SSUH2: variants seen among roughly 807,000 people sequenced by gnomAD.
SSUH2 encodes protein SSUH2 homolog.
A neutral mutation model predicts 55.3 loss-of-function variants in SSUH2; 47 were observed. The ratio of observed to expected loss-of-function variants is 0.85; its 90% CI spans 0.67 to 1.08. The LOEUF (loss-of-function observed/expected upper bound fraction) is 1.08, where lower values mean the gene tolerates loss of function less well. Ranked by LOEUF, SSUH2 falls within the 50% of genes least tolerant of loss-of-function variation. SSUH2 has a pLI of 0.00. For missense variants in SSUH2, 535 were observed against 490.7 expected (o/e 1.09, Z -0.85); for synonymous variants, 212 against 191.5 (o/e 1.11, Z -0.89).
At chr3:8,680,275 C>A (rs1293084515) in intron 1 of SSUH2, among the ~76,000 whole-genome samples, 1 of 151,998 alleles carries the variant, frequency 6.6e-6, no homozygotes, top group Non-Finnish European at 1.5e-5. Context: ...AAAACCTGAA[C>A]ATAAAGGCCC....
chr3:8,657,523 C>T (rs749202954), intron 7 of SSUH2, among the ~76,000 whole-genome samples: 7 of 152,046 alleles, frequency 4.6e-5, no homozygotes, highest in South Asian at 4.2e-4. Context: ...ACAGTGGGTA[C>T]GACAGGAGGT....
chr3:8,658,515 C>G (rs1057098591), intron 7 of SSUH2, among the ~76,000 whole-genome samples: 1 of 152,170 alleles, frequency 6.6e-6, no homozygotes, highest in Non-Finnish European at 1.5e-5. Context: ...GGGGCAGGTG[C>G]GTAAACTCTG....
intron 3 of SSUH2, chr3:8,634,251 G>A: frequency 1.6e-6 from 1 of 644,952 alleles, no homozygotes; most frequent in Non-Finnish European, 2.4e-6. Context: ...GCCAGGCACT[G>A]GCCCAGGGCT....
At chr3:8,676,468 T>C (rs1009681306) in intron 3 of SSUH2, among the ~76,000 whole-genome samples, 2 of 150,830 alleles carry the variant, frequency 1.3e-5, no homozygotes, top group African/African-American at 2.4e-5. Flanking sequence ...CTTTCTGCCA[T>C]ACATGTAGTC....
Position 8,679,413 on chromosome 3 carries a change from T to TC in SSUH2, c.-901+291dup, listed in dbSNP as rs549247180. Reference sequence around the variant, plus strand: ...GAGGGGACTGAGAGCCAGCCCCTCTTCCCCCCCTGGCTCTTAGGACCCCCA... The same window carrying TC: ...GAGGGGACTGAGAGCCAGCCCCTCTTCCCCCCCCTGGCTCTTAGGACCCCCA... On this transcript the variant is annotated intron_variant, in intron 2 of 18. Coordinates refer to the SSUH2 transcript ENST00000317371. Among the ~76,000 whole-genome samples the TC allele has an allele frequency of 3.1e-3, 380 of 121,278 alleles. 11 individuals are homozygous for TC. In the East Asian group the frequency reaches 0.064, roughly 20 times the overall value. 79.6% of individuals were successfully genotyped at this position (121,278 alleles called of 152,430 possible). A position where few individuals can be genotyped will look rare whatever the true frequency, so the allele number is the denominator to read the frequency against.
intron 3 of SSUH2, among the ~76,000 whole-genome samples, chr3:8,674,576 G>A (rs1380825473): frequency 1.3e-5 from 2 of 152,150 alleles, no homozygotes; most frequent in East Asian, 3.9e-4. Flanking sequence ...GAGCCATGGG[G>A]GTTTCAGCAA....
intron 2 of SSUH2, among the ~76,000 whole-genome samples, chr3:8,677,599 G>A (rs1575407780): frequency 6.6e-6 from 1 of 150,916 alleles, no homozygotes; most frequent in South Asian, 2.1e-4. Flanking sequence ...GCATCAGAGA[G>A]AGAAAAGATG....
At chr3:8,676,397 G>C (rs1208297598) in intron 3 of SSUH2, among the ~76,000 whole-genome samples, 2 of 151,378 alleles carry the variant, frequency 1.3e-5, no homozygotes, top group Non-Finnish European at 2.9e-5. Context: ...CTGTCATATT[G>C]AAAGTAATAT....
At chr3:8,635,446 A>C (rs1186562268) in intron 2 of SSUH2, 65 bp from the exon 3 acceptor site, 8 of 1,179,038 alleles carry the variant, frequency 6.8e-6, no homozygotes, top group Non-Finnish European at 9.6e-6. Context: ...TGTGTGGTGG[A>C]AGAAGGAAAG....
chr3:8,647,193 A>G (rs1701786789), upstream of SSUH2, among the ~76,000 whole-genome samples: 1 of 152,224 alleles, frequency 6.6e-6, no homozygotes, highest in Non-Finnish European at 1.5e-5. Flanking sequence ...AGCAAGGTTC[A>G]ATAACTGTCT....
At chr3:8,631,934 T>C in intron 5 of SSUH2, 115 bp downstream of exon 5, 1 of 805,048 alleles carries the variant, frequency 1.2e-6, no homozygotes, top group Non-Finnish European at 2.1e-6. Flanking sequence ...AAGCCAAGGC[T>C]CCAAGCAGAA....
chr3:8,664,182 T>C (rs1456290138), intron 5 of SSUH2, among the ~76,000 whole-genome samples: 5 of 152,198 alleles, frequency 3.3e-5, no homozygotes, highest in African/African-American at 1.2e-4. Flanking sequence ...GTGGATTGTT[T>C]CGAAGCTCCT....
chr3:8,647,470 G>A (rs1701837151), upstream of SSUH2, among the ~76,000 whole-genome samples: 1 of 152,208 alleles, frequency 6.6e-6, no homozygotes, highest in South Asian at 2.1e-4. Flanking sequence ...AGGGTAGACT[G>A]AGTTCAAAGT....
chr3:8,626,460 C>A, intron 8 of SSUH2, 139 bp from the exon 9 acceptor site: 1 of 639,480 alleles, frequency 1.6e-6, no homozygotes, highest in Non-Finnish European at 2.8e-6. Context: ...CCACCTAGTC[C>A]TCCTTCTGCT....
At chr3:8,671,009 C>T in exon 5 of SSUH2, 2 of 424,890 alleles carry the variant, frequency 4.7e-6, no homozygotes, top group Non-Finnish European at 9.7e-6. Context: ...TGCATTGGGA[C>T]ATCAGTAGTA....
At chr3:8,653,106 G>A (rs549779288) in intron 7 of SSUH2, among the ~76,000 whole-genome samples, 18 of 152,250 alleles carry the variant, frequency 1.2e-4, no homozygotes, top group Non-Finnish European at 2.1e-4. Context: ...CACCTTTTTG[G>A]ATCTAAATTG....
intron 5 of SSUH2, among the ~76,000 whole-genome samples, chr3:8,665,325 A>C (rs1370216661): frequency 6.6e-6 from 1 of 152,116 alleles, no homozygotes; most frequent in African/African-American, 2.4e-5. Context: ...AGAGAGGGAG[A>C]ATGTCCAGCT....
At chr3:8,674,413 G>A (rs1704989076) in intron 3 of SSUH2, among the ~76,000 whole-genome samples, 2 of 152,224 alleles carry the variant, frequency 1.3e-5, no homozygotes. Flanking sequence ...TTATTGGACT[G>A]AGGGGAGACC....
At position 8,635,303 on chromosome 3, in the gene SSUH2, T is replaced by C; in HGVS notation, c.206A>G (p.His69Arg). 6.5e-7 allele frequency: 1 copy of C among 1,535,092 alleles called. No homozygotes were observed. Among genetic ancestry groups the C allele is most frequent in the Non-Finnish European group, 8.7e-7 (1 of 1,146,174 alleles). The change falls in exon 3 of 12, where the codon CAC (histidine) becomes CGC (arginine). Residue 69 changes from histidine to arginine, a missense_variant. By Grantham distance (29) the His-to-Arg change is conservative (BLOSUM62 0). Coordinates refer to ENST00000544814, the MANE Select transcript of SSUH2 (RefSeq NM_001256748.3). ...CAGAGTACAACCTGAAACTCACCTG[T>C]GTTCCAGGAACGAGGGCCAGGACCT... is the stretch of plus-strand genomic sequence containing the variant. Reference protein sequence around the residue: ...EQRSWPSFLEHRVPAMTEEVA... With the variant: ...EQRSWPSFLERRVPAMTEEVA...
Sources: gnomAD v4.1 joint callset for allele counts (sites outside exome capture counted in the v4.1 genomes callset) on GRCh38, gnomAD v4.1.1 for gene constraint, MANE v1.5 for transcripts, NCBI Gene and HGNC (gene_info 2026-07-23, HGNC 2026-07-21) for gene names.